Variants in MEF2A observed in about 807,000 individuals in gnomAD.
MEF2A encodes the protein myocyte enhancer factor 2A, also known as myocyte-specific enhancer factor 2A.
A neutral mutation model predicts 55.8 loss-of-function variants in MEF2A; 28 were observed. The ratio of observed to expected loss-of-function variants is 0.50; its 90% CI spans 0.37 to 0.69. The LOEUF (loss-of-function observed/expected upper bound fraction) is 0.69. MEF2A is among the 30% of genes least tolerant of loss of function. The pLI is 0.00. For synonymous variants in MEF2A, 239 were observed against 227.1 expected, an observed-to-expected ratio of 1.05 and a Z score of -0.47; for missense variants, 528 against 626.2, an observed-to-expected ratio of 0.84 and a Z score of 1.67.
intron 1 of MEF2A, among the ~76,000 whole-genome samples, chr15:99,597,030 C>T (rs577368051): frequency 1.3e-5 from 2 of 152,214 alleles, no homozygotes; most frequent in East Asian, 3.9e-4. Flanking sequence ...GTAATAATTG[C>T]ATTAACTGCA....
intron 4 of MEF2A, among the ~76,000 whole-genome samples, chr15:99,654,830 G>A (rs970650307): frequency 4.6e-5 from 7 of 152,126 alleles, no homozygotes; most frequent in Non-Finnish European, 1.0e-4. Context: ...CATTAACTAT[G>A]TGTAGTTATT....
At chr15:99,674,304 T>G in intron 5 of MEF2A, 89 bp from the exon 6 acceptor site, 38 of 1,194,086 alleles carry the variant, frequency 3.2e-5, no homozygotes, top group Non-Finnish European at 3.9e-5. Flanking sequence ...TTTAGTAACT[T>G]GAGTTACCTT....
At chr15:99,680,130 A>C (rs1326980506) in intron 7 of MEF2A, among the ~76,000 whole-genome samples, 1 of 152,076 alleles carries the variant, frequency 6.6e-6, no homozygotes, top group Non-Finnish European at 1.5e-5. Flanking sequence ...GTCTGGGACC[A>C]CTCTTCCCCT....
At chr15:99,615,812 A>G (rs1489530960) in intron 2 of MEF2A, among the ~76,000 whole-genome samples, 1 of 152,216 alleles carries the variant, frequency 6.6e-6, no homozygotes, top group African/African-American at 2.4e-5. Flanking sequence ...ACGTTGTACT[A>G]TAGGTGATTT....
chr15:99,692,303 TA>T (rs1734610098), intron 8 of MEF2A, among the ~76,000 whole-genome samples: 1 of 152,176 alleles, frequency 6.6e-6, no homozygotes, highest in African/African-American at 2.4e-5. Flanking sequence ...CTCTAAGTCT[TA>T]CAGTCCAGGT....
chr15:99,689,516 T>G (rs1296586115), intron 7 of MEF2A, among the ~76,000 whole-genome samples: 2 of 152,184 alleles, frequency 1.3e-5, no homozygotes, highest in Admixed American at 6.5e-5. Flanking sequence ...AGTTTCACTC[T>G]GTCACCCACG....
chr15:99,688,728 G>A (rs2054784628), intron 7 of MEF2A, among the ~76,000 whole-genome samples: 5 of 152,172 alleles, frequency 3.3e-5, no homozygotes, highest in Admixed American at 1.3e-4. Flanking sequence ...CTGCACTCCA[G>A]CCTGGGCAAC....
At chr15:99,596,727 A>G (rs1971302273) in intron 1 of MEF2A, among the ~76,000 whole-genome samples, 1 of 152,210 alleles carries the variant, frequency 6.6e-6, no homozygotes, top group East Asian at 1.9e-4. Flanking sequence ...GGAGAGAGAT[A>G]GCTTTCCTTT....
rs749133351 is a variant in MEF2A, at chr15:99,706,851, C to T, written c.1005C>T (p.Asn335=). The change falls in exon 10 of 12, where the codon AAC becomes AAT. Residue 335 remains asparagine, a synonymous_variant. Coordinates refer to ENST00000557942, the MANE Select transcript of MEF2A (RefSeq NM_001319206.4). ...ACTCAGCAATGCCGACTGCCTACAA[C>T]ACTGGTGAGCCTGCTCTGGTGCCTT... ...LVYSAMPTAY[N]TDYSLTSADL... 4 of 1,613,970 alleles carry T rather than the reference C, an allele frequency of 2.5e-6. No homozygotes were observed. The highest frequency in any genetic ancestry group is 2.2e-5 in the East Asian group (1 of 44,892).
At chr15:99,673,294 G>A (rs549324684) in intron 5 of MEF2A, among the ~76,000 whole-genome samples, 2 of 152,120 alleles carry the variant, frequency 1.3e-5, no homozygotes, top group Admixed American at 6.5e-5. Flanking sequence ...CAATACAGTA[G>A]CAAATAAAGG....
At chr15:99,567,551 T>C (rs913679738) in intron 1 of MEF2A, among the ~76,000 whole-genome samples, 3 of 152,060 alleles carry the variant, frequency 2.0e-5, no homozygotes, top group African/African-American at 7.2e-5. Context: ...CATACAAAAA[T>C]GACATTTCTT....
At chr15:99,575,406 T>G (rs886644370) in intron 1 of MEF2A, among the ~76,000 whole-genome samples, 2 of 152,238 alleles carry the variant, frequency 1.3e-5, no homozygotes, top group Non-Finnish European at 1.5e-5. Context: ...GTCCATCAGT[T>G]TGGATTTGTC....
At chr15:99,598,232 A>G (rs1007255566) in intron 1 of MEF2A, among the ~76,000 whole-genome samples, 198 bp from the exon 2 acceptor site, 1 of 152,214 alleles carries the variant, frequency 6.6e-6, no homozygotes, top group East Asian at 1.9e-4. Context: ...AGGATTCGTA[A>G]TAGTAGAGAT....
At chr15:99,638,749 C>G (rs2044343378) in intron 3 of MEF2A, among the ~76,000 whole-genome samples, 1 of 151,998 alleles carries the variant, frequency 6.6e-6, no homozygotes, top group African/African-American at 2.4e-5. Context: ...CTGTGAATAG[C>G]TATATCTGGA....
At chr15:99,659,911 A>T (rs1377621848) in intron 4 of MEF2A, among the ~76,000 whole-genome samples, 2 of 152,258 alleles carry the variant, frequency 1.3e-5, no homozygotes, top group African/African-American at 4.8e-5. Flanking sequence ...AAATTGAATA[A>T]TCTTGTCAAG....
At chr15:99,678,330 A>G (rs1391835592) in intron 7 of MEF2A, among the ~76,000 whole-genome samples, 1 of 152,206 alleles carries the variant, frequency 6.6e-6, no homozygotes, top group Non-Finnish European at 1.5e-5. Flanking sequence ...ATAGGCCAGC[A>G]TGTGCTCAAT....
Position 99,703,358 on chromosome 15 carries a change from A to G in MEF2A, c.859-4A>G, listed in dbSNP as rs1410679780. The stretch of plus-strand genomic sequence containing the variant: ...CTCTTATCCCTCTTATGTGCTGAGT[A>G]CAGTCGGAGGAAGAGGAATTGGAGT... On this transcript the variant is annotated splice_region_variant and splice_polypyrimidine_tract_variant and intron_variant, in intron 8 of 11. Coordinates refer to ENST00000557942, the MANE Select transcript of MEF2A (RefSeq NM_001319206.4). 2.5e-6 allele frequency: 4 copies of G among 1,612,462 alleles called. No homozygotes were observed. Among genetic ancestry groups the G allele is most frequent in the Non-Finnish European group, 3.4e-6 (4 of 1,179,174 alleles).
chr15:99,673,459 C>T (rs1033920262), intron 5 of MEF2A, among the ~76,000 whole-genome samples: 1 of 152,052 alleles, frequency 6.6e-6, no homozygotes, highest in African/African-American at 2.4e-5. Flanking sequence ...GAATAAAGTA[C>T]AATAAAATAT....
chr15:99,663,813 CT>C (rs1026990532), intron 4 of MEF2A, among the ~76,000 whole-genome samples: 2 of 152,016 alleles, frequency 1.3e-5, no homozygotes, highest in African/African-American at 4.8e-5. Context: ...TCTCAAGTAT[CT>C]TTTTTCTTTC....
Sources: gnomAD v4.1 joint callset for allele counts (sites outside exome capture counted in the v4.1 genomes callset) on GRCh38, gnomAD v4.1.1 for gene constraint, MANE v1.5 for transcripts, NCBI Gene and HGNC (gene_info 2026-07-23, HGNC 2026-07-21) for gene names.